GDPD4: variants seen among roughly 807,000 people sequenced by gnomAD.
The protein encoded by GDPD4 is glycerophosphodiester phosphodiesterase 6.
Under a neutral mutation model 67.8 loss-of-function variants are expected in GDPD4, and 60 were observed. The ratio of observed to expected loss-of-function variants is 0.88; its 90% CI spans 0.72 to 1.10. GDPD4 has a LOEUF of 1.10. Ranked by LOEUF, GDPD4 falls within the 50% of genes least tolerant of loss-of-function variation. The pLI is 0.00. For synonymous variants in GDPD4, 212 were observed against 210.9 expected (o/e 1.00, Z -0.04); for missense variants, 623 against 613.9 (o/e 1.01, Z -0.16).
intron 10 of GDPD4, among the ~76,000 whole-genome samples, chr11:77,262,854 C>CAAAAA (rs67911054): frequency 0.035 from 2,314 of 66,614 alleles, 161 homozygotes; most frequent in African/African-American, 0.054. Flanking sequence ...TTCTCTGCTG[C>CAAAAA]AAAAAAAAAA....
chr11:77,219,648 T>C (rs1958189829), intron 16 of GDPD4, among the ~76,000 whole-genome samples: 1 of 152,232 alleles, frequency 6.6e-6, no homozygotes, highest in Non-Finnish European at 1.5e-5. Flanking sequence ...CTTTCCCCAT[T>C]TCTTGTTTTT....
At chr11:77,245,170 T>C (rs1334121229) in intron 12 of GDPD4, 111 bp downstream of exon 12, 5 of 744,136 alleles carry the variant, frequency 6.7e-6, no homozygotes, top group Non-Finnish European at 1.2e-5. Context: ...GAAGTAAAAT[T>C]ACTTAAGGAT....
At chr11:77,271,458 G>T in intron 5 of GDPD4, 65 bp from the exon 6 acceptor site, 1 of 915,622 alleles carries the variant, frequency 1.1e-6, no homozygotes, top group Non-Finnish European at 1.8e-6. Context: ...CTGTCCTCAG[G>T]AATTATATGT....
intron 10 of GDPD4, among the ~76,000 whole-genome samples, chr11:77,265,436 T>A (rs1374521874): frequency 1.3e-5 from 2 of 151,542 alleles, no homozygotes; most frequent in Middle Eastern, 3.4e-3. Flanking sequence ...TTTATCTATA[T>A]CTTTTCTTAA....
chr11:77,257,616 C>G (rs2135858081), intron 11 of GDPD4, among the ~76,000 whole-genome samples: 1 of 150,208 alleles, frequency 6.7e-6, no homozygotes, highest in East Asian at 2.0e-4. Context: ...AGGATAATCT[C>G]TGAAACACAT....
intron 16 of GDPD4, among the ~76,000 whole-genome samples, chr11:77,224,877 C>T (rs1958296642): frequency 4.6e-5 from 7 of 151,430 alleles, no homozygotes; most frequent in Admixed American, 3.9e-4. Flanking sequence ...CAAGGCAAGC[C>T]GACTGCTTGA....
rs1251109042 is a variant in GDPD4 at position 77,252,063 on chromosome 11, TTG to T, written c.864+6321_864+6322del. Among the ~76,000 whole-genome samples the T allele has an allele frequency of 2.6e-3, 283 of 108,904 alleles. 5 individuals carry two copies. Among genetic ancestry groups the T allele is most frequent in the African/African-American group, 8.4e-3 (271 of 32,360 alleles). The allele number at this position is 108,904 out of a possible 152,430, so 71.4% of individuals were successfully genotyped here. On this transcript the variant is annotated intron_variant, in intron 11 of 16. Coordinates refer to ENST00000315938, the MANE Select transcript of GDPD4 (RefSeq NM_182833.3). Reference sequence around the variant, plus strand: ...GTTTTTTTGTTTGTTTGTTTTTTTTTTGTTTTTTTTTTTTTTTTGAGACAGAG... The same window carrying T: ...GTTTTTTTGTTTGTTTGTTTTTTTTTTTTTTTTTTTTTTTTTGAGACAGAG...
intron 14 of GDPD4, among the ~76,000 whole-genome samples, chr11:77,229,939 C>G (rs935023813): frequency 7.9e-5 from 12 of 152,142 alleles, no homozygotes; most frequent in Non-Finnish European, 1.8e-4. Context: ...CCACTTGATG[C>G]TAATAGGGCT....
chr11:77,289,250 G>C (rs550845226), intron 1 of GDPD4, among the ~76,000 whole-genome samples: 1 of 151,592 alleles, frequency 6.6e-6, no homozygotes, highest in African/African-American at 2.4e-5. Flanking sequence ...GTAATCCCAA[G>C]TACTTGGGAG....
At chr11:77,218,909 A>C (rs1958175961) in intron 16 of GDPD4, among the ~76,000 whole-genome samples, 2 of 152,288 alleles carry the variant, frequency 1.3e-5, no homozygotes, top group South Asian at 4.1e-4. Context: ...TATACCCAGT[A>C]ATGGGATCAC....
intron 4 of GDPD4, among the ~76,000 whole-genome samples, chr11:77,277,025 T>C (rs1229573230): frequency 6.6e-6 from 1 of 152,164 alleles, no homozygotes; most frequent in African/African-American, 2.4e-5. Context: ...TTTTTCACTA[T>C]TGTTGCCATT....
rs757564892 is a variant in GDPD4, at chr11:77,268,444, C to T, written c.707+13G>A. On this transcript the variant is annotated intron_variant, in intron 10 of 16. Transcript: ENST00000315938. ...TACCCTCCTCCCCTCACCCCAGTTC[C>T]CTGCTTTCTTACCTTAAGTGTATAT... is the stretch of plus-strand genomic sequence containing the variant. 20 of 1,589,404 alleles carry T rather than the reference C, an allele frequency of 1.3e-5. No individual in the cohort carries two copies. Among genetic ancestry groups the T allele is most frequent in the Non-Finnish European group, 1.5e-5 (17 of 1,158,166 alleles).
intron 16 of GDPD4, among the ~76,000 whole-genome samples, chr11:77,225,629 G>A (rs1001490422): frequency 6.6e-6 from 1 of 151,944 alleles, no homozygotes; most frequent in Non-Finnish European, 1.5e-5. Flanking sequence ...GAAGAACAGG[G>A]GTAAGAAAAC....
intron 11 of GDPD4, among the ~76,000 whole-genome samples, chr11:77,250,140 T>C (rs1205468729): frequency 1.3e-5 from 2 of 152,220 alleles, no homozygotes; most frequent in Non-Finnish European, 2.9e-5. Context: ...TGCCGGTTTG[T>C]TACCTGGGTA....
intron 13 of GDPD4, among the ~76,000 whole-genome samples, chr11:77,238,349 C>T (rs186264538): frequency 6.6e-6 from 1 of 151,952 alleles, no homozygotes; most frequent in African/African-American, 2.4e-5. Flanking sequence ...TTTGGGAGGC[C>T]GAGGTGGGTG....
intron 12 of GDPD4, 30 bp from the exon 13 acceptor site, chr11:77,243,878 AG>A: frequency 6.4e-7 from 1 of 1,574,276 alleles, no homozygotes; most frequent in Non-Finnish European, 8.7e-7. Flanking sequence ...GTCCCTCAGT[AG>A]ATAATCAGCT....
At chr11:77,249,264 C>CA (rs34998852) in intron 11 of GDPD4, among the ~76,000 whole-genome samples, 18,640 of 77,544 alleles carry the variant, frequency 0.24, 2,239 homozygotes, top group South Asian at 0.44. Flanking sequence ...GACTCCATCT[C>CA]AAAAAAAAAA....
At chr11:77,228,651 G>A (rs756014999) in intron 15 of GDPD4, among the ~76,000 whole-genome samples, 62 of 151,816 alleles carry the variant, frequency 4.1e-4, no homozygotes, top group East Asian at 7.8e-4. Flanking sequence ...GCATGCCACC[G>A]CACTCCAGCC....
intron 5 of GDPD4, among the ~76,000 whole-genome samples, chr11:77,275,589 CT>C (rs1373952227): frequency 6.6e-6 from 1 of 152,008 alleles, no homozygotes; most frequent in African/African-American, 2.4e-5. Context: ...AAATGAACCC[CT>C]GATTCCCTTT....
Sources: allele counts gnomAD v4.1 joint callset (sites outside exome capture counted in the v4.1 genomes callset), GRCh38; gene constraint gnomAD v4.1.1; transcripts MANE v1.5; gene names NCBI Gene and HGNC (gene_info 2026-07-23, HGNC 2026-07-21).